Variants in GADL1 observed in about 807,000 individuals in gnomAD.
GADL1 encodes acidic amino acid decarboxylase GADL1.
GADL1 carries 71 observed loss-of-function variants against 69.5 expected under a neutral mutation model. The observed-to-expected ratio is 1.02, with a 90% CI of 0.84 to 1.25. The LOEUF (loss-of-function observed/expected upper bound fraction) is 1.25. Among genes scored for constraint, GADL1 ranks in the 50% most tolerant of loss-of-function variants. The pLI is 0.00. For synonymous variants in GADL1, 254 were observed against 214.4 expected, an observed-to-expected ratio of 1.18 and a Z score of -1.62; for missense variants, 737 against 631.8, an observed-to-expected ratio of 1.17 and a Z score of -1.79.
chr3:30,828,365 G>A (rs890643979), intron 11 of GADL1, among the ~76,000 whole-genome samples: 12 of 151,050 alleles, frequency 7.9e-5, no homozygotes, highest in African/African-American at 2.7e-4. Flanking sequence ...AATGACATTA[G>A]TCTCCTTTTT....
chr3:30,778,096 G>A, intron 14 of GADL1, 83 bp downstream of exon 14: 1 of 785,914 alleles, frequency 1.3e-6, no homozygotes. Context: ...TGCTTGCTAG[G>A]CCCTCTTATT....
intron 2 of GADL1, among the ~76,000 whole-genome samples, chr3:30,859,262 GT>G (rs1301056332): frequency 1.3e-5 from 2 of 151,918 alleles, no homozygotes; most frequent in African/African-American, 4.8e-5. Flanking sequence ...ATACCAAGTT[GT>G]GCAAGTAGTA....
At chr3:30,767,379 G>A (rs918841956) in intron 14 of GADL1, among the ~76,000 whole-genome samples, 2 of 150,950 alleles carry the variant, frequency 1.3e-5, no homozygotes, top group African/African-American at 4.9e-5. Context: ...TATCGTAAAG[G>A]AAAGCCATTT....
chr3:30,877,614 T>C (rs1179783469), intron 1 of GADL1, among the ~76,000 whole-genome samples: 3 of 151,896 alleles, frequency 2.0e-5, no homozygotes, highest in African/African-American at 7.2e-5. Flanking sequence ...ATCAGATACA[T>C]CATAAAATAC....
chr3:30,841,255 A>C (rs1237783487), intron 8 of GADL1, among the ~76,000 whole-genome samples: 1 of 152,208 alleles, frequency 6.6e-6, no homozygotes, highest in Non-Finnish European at 1.5e-5. Context: ...ACTTGAAAGA[A>C]AACTGAGGAG....
intron 11 of GADL1, among the ~76,000 whole-genome samples, chr3:30,820,036 C>A (rs1165637421): frequency 6.6e-6 from 1 of 151,714 alleles, no homozygotes; most frequent in Non-Finnish European, 1.5e-5. Context: ...TTTAAAACTG[C>A]ACTCAAAATA....
At chr3:30,842,288 A>G (rs1244828470) in intron 8 of GADL1, among the ~76,000 whole-genome samples, 1 of 152,214 alleles carries the variant, frequency 6.6e-6, no homozygotes, top group East Asian at 1.9e-4. Flanking sequence ...GCAAGTACGT[A>G]TCCTTCATAA....
At chr3:30,825,387 A>G (rs765488136) in intron 11 of GADL1, among the ~76,000 whole-genome samples, 5 of 152,002 alleles carry the variant, frequency 3.3e-5, no homozygotes, top group Admixed American at 2.0e-4. Context: ...TTACAAAATT[A>G]GAACACTTAT....
chr3:30,846,454 T>C (rs1239496878), intron 6 of GADL1, among the ~76,000 whole-genome samples: 2 of 152,174 alleles, frequency 1.3e-5, no homozygotes, highest in African/African-American at 2.4e-5. Context: ...AGCTTCTCAA[T>C]GAACTGCTGC....
intron 12 of GADL1, among the ~76,000 whole-genome samples, chr3:30,787,565 G>C (rs933673829): frequency 1.3e-5 from 2 of 152,100 alleles, no homozygotes; most frequent in Non-Finnish European, 2.9e-5. Flanking sequence ...GTTTGTCAGA[G>C]CATTTATTGT....
chr3:30,865,031 T>TA (rs1373273363), intron 1 of GADL1, among the ~76,000 whole-genome samples: 1 of 152,014 alleles, frequency 6.6e-6, no homozygotes, highest in Non-Finnish European at 1.5e-5. Flanking sequence ...AACATCCTTC[T>TA]AATAACCTCA....
At chr3:30,752,362 C>T (rs1016839819) in intron 14 of GADL1, among the ~76,000 whole-genome samples, 2 of 152,118 alleles carry the variant, frequency 1.3e-5, no homozygotes, top group East Asian at 1.9e-4. Context: ...TAAGCACAAT[C>T]TATTTAAGTG....
intron 3 of GADL1, among the ~76,000 whole-genome samples, chr3:30,855,470 A>G (rs1445119886): frequency 6.6e-6 from 1 of 152,024 alleles, no homozygotes. Context: ...TTCATTTTTC[A>G]GATTGGACCC....
intron 14 of GADL1, among the ~76,000 whole-genome samples, chr3:30,764,132 A>AGT (rs1696210022): frequency 6.7e-6 from 1 of 149,626 alleles, no homozygotes; most frequent in Non-Finnish European, 1.5e-5. Context: ...ATGTTTATTA[A>AGT]ATATATTAAC....
At chr3:30,766,069 T>C (rs1370107933) in intron 14 of GADL1, among the ~76,000 whole-genome samples, 2 of 152,062 alleles carry the variant, frequency 1.3e-5, no homozygotes, top group African/African-American at 4.8e-5. Context: ...GACATAAAAA[T>C]TGACTGTATT....
intron 13 of GADL1, among the ~76,000 whole-genome samples, chr3:30,783,067 G>GTA (rs902816697): frequency 2.9e-4 from 44 of 152,320 alleles, no homozygotes; most frequent in African/African-American, 1.0e-3. Context: ...CAAATAGGAA[G>GTA]TATTCAATCA....
At chr3:30,872,159 T>C (rs1205590002) in intron 1 of GADL1, among the ~76,000 whole-genome samples, 1 of 151,952 alleles carries the variant, frequency 6.6e-6, no homozygotes, top group Admixed American at 6.6e-5. Flanking sequence ...AAAACACTTA[T>C]GCAATTGGGC....
intron 14 of GADL1, among the ~76,000 whole-genome samples, chr3:30,768,886 G>A (rs568742013): frequency 1.3e-5 from 2 of 152,214 alleles, no homozygotes; most frequent in Non-Finnish European, 2.9e-5. Flanking sequence ...AGCTGTGAAC[G>A]AAAACATGAG....
intron 8 of GADL1, among the ~76,000 whole-genome samples, chr3:30,841,642 T>C (rs780584205): frequency 1.3e-5 from 2 of 152,106 alleles, no homozygotes; most frequent in Non-Finnish European, 2.9e-5. Flanking sequence ...GTAGAATGCC[T>C]GACAATAAAG....
Sources: gnomAD v4.1 joint callset for allele counts (sites outside exome capture counted in the v4.1 genomes callset) on GRCh38, gnomAD v4.1.1 for gene constraint, MANE v1.5 for transcripts, NCBI Gene and HGNC (gene_info 2026-07-23, HGNC 2026-07-21) for gene names.